Variants in CADPS observed in about 807,000 individuals in gnomAD.
CADPS encodes the protein calcium-dependent secretion activator 1.
Under a neutral mutation model 167.3 loss-of-function variants are expected in CADPS, and 57 were observed. The ratio of observed to expected loss-of-function variants is 0.34; its 90% CI spans 0.28 to 0.42. The LOEUF is 0.42. CADPS is among the 20% of genes least tolerant of loss of function. CADPS has a pLI of 1.00. For synonymous variants in CADPS, 676 were observed against 635.3 expected (o/e 1.06, Z -0.96); for missense variants, 1,414 against 1,738.1 (o/e 0.81, Z 3.32).
At chr3:62,463,307 G>A (rs1463543245) in intron 26 of CADPS, among the ~76,000 whole-genome samples, 3 of 152,108 alleles carry the variant, frequency 2.0e-5, no homozygotes, top group Non-Finnish European at 4.4e-5. Context: ...AAGAGTAGAG[G>A]AGCTTTCCTG....
intron 1 of CADPS, among the ~76,000 whole-genome samples, chr3:62,851,991 T>G (rs2078699522): frequency 6.7e-6 from 1 of 149,818 alleles, no homozygotes; most frequent in Non-Finnish European, 1.5e-5. Flanking sequence ...TTCTTTTTTC[T>G]CTAAACTTCC....
chr3:62,430,821 T>C (rs541958102), intron 28 of CADPS, among the ~76,000 whole-genome samples: 63 of 152,212 alleles, frequency 4.1e-4, no homozygotes, highest in African/African-American at 1.4e-3. Flanking sequence ...TCTGTATTCT[T>C]TTTGGGAAAT....
chr3:62,492,138 G>C, intron 20 of CADPS, 152 bp downstream of exon 20: 2 of 672,382 alleles, frequency 3.0e-6, no homozygotes, highest in South Asian at 4.2e-5. Flanking sequence ...ATACCCTTCA[G>C]CTGTATGTTT....
At chr3:62,640,898 T>C (rs971000676) in intron 6 of CADPS, among the ~76,000 whole-genome samples, 1 of 152,156 alleles carries the variant, frequency 6.6e-6, no homozygotes, top group Non-Finnish European at 1.5e-5. Context: ...AATTTTGGAA[T>C]ATATTTTCTA....
intron 2 of CADPS, among the ~76,000 whole-genome samples, chr3:62,755,906 T>C (rs940577564): frequency 6.6e-6 from 1 of 152,164 alleles, no homozygotes; most frequent in African/African-American, 2.4e-5. Flanking sequence ...ACCAGTGTTT[T>C]GAGGCTAGTG....
intron 10 of CADPS, among the ~76,000 whole-genome samples, chr3:62,552,306 C>T (rs948794686): frequency 4.6e-5 from 7 of 151,670 alleles, no homozygotes; most frequent in African/African-American, 1.7e-4. Context: ...TGCAGCACAC[C>T]AACATGGCAC....
At chr3:62,668,864 T>C (rs2074986418) in intron 3 of CADPS, among the ~76,000 whole-genome samples, 1 of 152,130 alleles carries the variant, frequency 6.6e-6, no homozygotes, top group African/African-American at 2.4e-5. Context: ...TAATCAGCTG[T>C]GACCCAAAAA....
chr3:62,552,311 T>C (rs1201838933), intron 10 of CADPS, among the ~76,000 whole-genome samples: 3 of 151,808 alleles, frequency 2.0e-5, no homozygotes, highest in Admixed American at 6.6e-5. Context: ...CACACCAACA[T>C]GGCACATGTA....
chr3:62,771,511 G>T (rs567331955), intron 1 of CADPS, among the ~76,000 whole-genome samples: 2 of 152,080 alleles, frequency 1.3e-5, no homozygotes, highest in Non-Finnish European at 2.9e-5. Flanking sequence ...GACCTTGCAC[G>T]AATAAACTGA....
chr3:62,447,031 C>T (rs974942261), intron 26 of CADPS, among the ~76,000 whole-genome samples: 1 of 152,168 alleles, frequency 6.6e-6, no homozygotes, highest in Non-Finnish European at 1.5e-5. Flanking sequence ...GCTCTTTTCT[C>T]AATGCTAGTT....
At chr3:62,797,289 C>T (rs1228320986) in intron 1 of CADPS, among the ~76,000 whole-genome samples, 2 of 151,994 alleles carry the variant, frequency 1.3e-5, no homozygotes, top group African/African-American at 4.8e-5. Context: ...TAAATTGTGT[C>T]CTGTGACGGT....
At chr3:62,873,901 CA>C (rs1029684348) in intron 1 of CADPS, among the ~76,000 whole-genome samples, 6 of 152,106 alleles carry the variant, frequency 3.9e-5, no homozygotes, top group African/African-American at 1.4e-4. Context: ...GAGGAAGGGT[CA>C]GGGGGACTGG....
intron 1 of CADPS, among the ~76,000 whole-genome samples, chr3:62,786,081 T>C (rs1045702243): frequency 1.3e-5 from 2 of 151,966 alleles, no homozygotes; most frequent in African/African-American, 2.4e-5. Flanking sequence ...GGCATGGTGG[T>C]GCATGCCTGT....
rs1553936618 is a variant in CADPS at position 62,576,788 on chromosome 3, T to TTAAAA, written c.1578-5851_1578-5850insTTTTA. Among the ~76,000 whole-genome samples, 140 of 29,868 alleles carry TTAAAA rather than the reference T, an allele frequency of 4.7e-3. 47 individuals are homozygous for TTAAAA. Among genetic ancestry groups the TTAAAA allele is most frequent in the Non-Finnish European group, 4.7e-3 (76 of 16,294 alleles). 19.6% of individuals were successfully genotyped at this position (29,868 alleles called of 152,430 possible). A position where few individuals can be genotyped will look rare whatever the true frequency, so the allele number is the denominator to read the frequency against. ...CTGGGTGACAGAGCAAGACTCTGTC[T>TTAAAA]AAAAAAAAAAAAAAAAAAAAAAAAA... On this transcript the variant is annotated intron_variant, in intron 8 of 29. Transcript: ENST00000383710.
Position 62,478,373 on chromosome 3 carries a change from C to A in CADPS, c.3217G>T (p.Ala1073Ser). Reference sequence around the variant, plus strand: ...AGGTCCCGAATGAAGGTCTGAAGGGCGTCAAGTTTCCAAAACAGATCTTCT... The same window carrying A: ...AGGTCCCGAATGAAGGTCTGAAGGGAGTCAAGTTTCCAAAACAGATCTTCT... Reference protein sequence around the residue: ...TSEDLFWKLDALQTFIRDLHW... With the variant: ...TSEDLFWKLDSLQTFIRDLHW... Residue 1073 changes from alanine to serine, a missense_variant, in exon 23 of 30, where the codon GCC (alanine) becomes TCC (serine). Ala to Ser is a moderately conservative substitution (Grantham distance 99, BLOSUM62 1). Coordinates refer to ENST00000383710, the MANE Select transcript of CADPS (RefSeq NM_003716.4). This position sits in a 1 kb window ranked among gnomAD's most constrained non-coding sequence, Gnocchi z 5.7. 6.2e-7 allele frequency: 1 copy of A among 1,613,756 alleles called. No homozygotes were observed. Among genetic ancestry groups the A allele is most frequent in the Non-Finnish European group, 8.5e-7 (1 of 1,179,806 alleles).
At chr3:62,518,380 C>G (rs1176529910) in intron 13 of CADPS, 130 bp from the exon 14 acceptor site, 1 of 664,820 alleles carries the variant, frequency 1.5e-6, no homozygotes, top group Non-Finnish European at 2.5e-6. Context: ...TCAGGAGAAG[C>G]CCAGCTATTC....
intron 19 of CADPS, among the ~76,000 whole-genome samples, chr3:62,493,416 C>T (rs1561204335): frequency 6.6e-6 from 1 of 152,120 alleles, no homozygotes; most frequent in Admixed American, 6.5e-5. Context: ...CCATTCAATG[C>T]CGCAAAGTAT....
At chr3:62,563,505 T>C (rs2079548021) in intron 9 of CADPS, among the ~76,000 whole-genome samples, 1 of 152,240 alleles carries the variant, frequency 6.6e-6, no homozygotes, top group Admixed American at 6.5e-5. Context: ...AGTAATTCAG[T>C]TCTAGAACAT....
chr3:62,448,834 A>G (rs1417610929), intron 26 of CADPS, among the ~76,000 whole-genome samples: 1 of 152,080 alleles, frequency 6.6e-6, no homozygotes, highest in African/African-American at 2.4e-5. Flanking sequence ...GGCTGGTCTC[A>G]AACTTGTGAC....
Sources: allele counts gnomAD v4.1 joint callset (sites outside exome capture counted in the v4.1 genomes callset), GRCh38; gene constraint gnomAD v4.1.1; non-coding constraint Gnocchi (gnomAD v3.1); transcripts MANE v1.5; gene names NCBI Gene and HGNC (gene_info 2026-07-23, HGNC 2026-07-21).